EIF2AK4: variants seen among roughly 807,000 people sequenced by gnomAD.
EIF2AK4 encodes the protein eukaryotic translation initiation factor 2 alpha kinase 4, also known as eIF-2-alpha kinase GCN2.
In EIF2AK4, 139 loss-of-function variants were observed where a neutral mutation model predicts 211.1. The ratio of observed to expected loss-of-function variants is 0.66; its 90% CI spans 0.57 to 0.76. EIF2AK4 has a LOEUF of 0.76. Among genes scored for constraint, EIF2AK4 ranks in the 30% least tolerant of loss-of-function variants. The pLI, the probability that EIF2AK4 is intolerant of heterozygous loss-of-function variation, is 0.00. For missense variants in EIF2AK4, 1,664 were observed against 2,043.8 expected, an observed-to-expected ratio of 0.81 and a Z score of 3.58; for synonymous variants, 710 against 751.3, an observed-to-expected ratio of 0.94 and a Z score of 0.90.
chr15:39,961,309 C>T (rs577640914), intron 6 of EIF2AK4, among the ~76,000 whole-genome samples: 1 of 152,112 alleles, frequency 6.6e-6, no homozygotes, highest in African/African-American at 2.4e-5. Context: ...TGTGCATGTG[C>T]GTGGGAATGA....
At chr15:40,004,378 G>GAAT (rs2035132454) in intron 23 of EIF2AK4, among the ~76,000 whole-genome samples, 1 of 152,152 alleles carries the variant, frequency 6.6e-6, no homozygotes, top group African/African-American at 2.4e-5. Context: ...GAAAATGGTT[G>GAAT]AATAATTTGT....
At chr15:40,022,827 G>T (rs932717774) in intron 32 of EIF2AK4, among the ~76,000 whole-genome samples, 1 of 151,960 alleles carries the variant, frequency 6.6e-6, no homozygotes, top group Non-Finnish European at 1.5e-5. Context: ...TCCGCCTCCC[G>T]GGTTCTCGCC....
intron 38 of EIF2AK4, 91 bp downstream of exon 38, chr15:40,034,535 G>C: frequency 1.0e-6 from 1 of 961,526 alleles, no homozygotes; most frequent in Non-Finnish European, 1.6e-6. Context: ...TCTTGTTGAG[G>C]TTTGACGCCT....
chr15:39,942,851 CTATT>C (rs2034165963), intron 2 of EIF2AK4, among the ~76,000 whole-genome samples: 1 of 152,174 alleles, frequency 6.6e-6, no homozygotes, highest in South Asian at 2.1e-4. Flanking sequence ...CTCCACTCAT[CTATT>C]TATTCTTGTT....
chr15:39,973,671 G>C lies in EIF2AK4; in HGVS notation c.1740G>C (p.Gln580His). The change falls in exon 11 of 39, where the codon CAG becomes CAC. Residue 580 changes from glutamine (Q) to histidine (H), a missense_variant. Transcript: ENST00000263791. ...LPSAAFFSET[Q>H]RQFSRYFIEF... ...GTGCTGCCTTCTTTAGTGAGACACA[G>C]AGACAGTTTTCCCGATACTTCATTG... 1 of 1,614,156 alleles carries C rather than the reference G, an allele frequency of 6.2e-7. No homozygotes were observed. Among genetic ancestry groups the C allele is most frequent in the South Asian group, 1.1e-5 (1 of 91,078 alleles).
chr15:40,017,706 C>T (rs964788066), intron 29 of EIF2AK4, among the ~76,000 whole-genome samples: 2 of 150,638 alleles, frequency 1.3e-5, no homozygotes, highest in Non-Finnish European at 3.0e-5. Context: ...CCACCACACC[C>T]AGCTAATTTT....
chr15:40,018,955 C>T, intron 29 of EIF2AK4, 138 bp from the exon 30 acceptor site: 2 of 669,220 alleles, frequency 3.0e-6, no homozygotes, highest in South Asian at 1.8e-5. Context: ...CTCTATTTTA[C>T]TACACACACA....
At chr15:39,987,813 G>A (rs1235842926) in intron 14 of EIF2AK4, among the ~76,000 whole-genome samples, 170 bp from the exon 15 acceptor site, 1 of 152,074 alleles carries the variant, frequency 6.6e-6, no homozygotes, top group Non-Finnish European at 1.5e-5. Flanking sequence ...TACCCCCAAG[G>A]TATTTTTTAA....
intron 14 of EIF2AK4, among the ~76,000 whole-genome samples, chr15:39,986,873 A>G (rs1355473279): frequency 1.3e-5 from 2 of 149,750 alleles, no homozygotes; most frequent in African/African-American, 2.4e-5. Context: ...AACAACAACA[A>G]CAACAACAAA....
At chr15:39,993,737 T>G (rs1342091758) in intron 18 of EIF2AK4, among the ~76,000 whole-genome samples, 1 of 152,234 alleles carries the variant, frequency 6.6e-6, no homozygotes, top group Non-Finnish European at 1.5e-5. Context: ...AGTGTGCATT[T>G]AATTTGAAGT....
At chr15:39,962,529 G>C (rs956671377) in intron 7 of EIF2AK4, among the ~76,000 whole-genome samples, 2 of 152,112 alleles carry the variant, frequency 1.3e-5, no homozygotes, top group Non-Finnish European at 2.9e-5. Context: ...CACAATCATA[G>C]CTCACTGTAA....
chr15:40,032,333 G>C (rs943749667), intron 36 of EIF2AK4, 96 bp downstream of exon 36: 25 of 1,006,656 alleles, frequency 2.5e-5, no homozygotes, highest in Non-Finnish European at 3.3e-5. Context: ...AGTGTCAGCA[G>C]AATTTGGATG....
At chr15:40,026,846 CA>C (rs2035471785) in intron 33 of EIF2AK4, among the ~76,000 whole-genome samples, 1 of 152,074 alleles carries the variant, frequency 6.6e-6, no homozygotes. Context: ...TAAAACTAAA[CA>C]TTTTTTTTAA....
chr15:39,967,219 C>CTTTTTGTA (rs965009529), intron 8 of EIF2AK4, 125 bp from the exon 9 acceptor site: 107 of 1,096,986 alleles, frequency 9.8e-5, no homozygotes, highest in Admixed American at 1.7e-4. Flanking sequence ...AAATACTTCA[C>CTTTTTGTA]TTTTGGTTTT....
At chr15:40,021,117 T>C in intron 31 of EIF2AK4, 90 bp downstream of exon 31, 4 of 1,379,850 alleles carry the variant, frequency 2.9e-6, no homozygotes, top group Non-Finnish European at 3.9e-6. Context: ...TGTCAAACTC[T>C]GTTTATCTCT....
In EIF2AK4 at chr15:40,021,015, CG is replaced by C. The variant is rs756405136; in HGVS notation, c.4291del (p.Asp1431ThrfsTer60). 1 of 1,612,922 alleles carries C rather than the reference CG, an allele frequency of 6.2e-7. No homozygotes were observed. Among genetic ancestry groups the C allele is most frequent in the African/African-American group, 1.3e-5 (1 of 74,976 alleles). ...TAGITAEIMY[D>X]WSQSQEELQE... ...CAGGCATCACAGCAGAAATCATGTA[CG>C]ACTGGTCACAGGTAATGGGACAAAA... On this transcript the variant is annotated frameshift_variant, in exon 31 of 39. Coordinates refer to ENST00000263791, the MANE Select transcript of EIF2AK4 (RefSeq NM_001013703.4). LOFTEE classifies it high-confidence loss of function.
At position 40,026,275 on chromosome 15, in the gene EIF2AK4, C is replaced by T. The variant is rs956078242; in HGVS notation, c.4502+186C>T. Among the ~76,000 whole-genome samples the T allele has an allele frequency of 2.6e-5, 4 of 152,118 alleles. No homozygotes were observed. In the East Asian group the frequency reaches 7.7e-4, roughly 29 times the overall value. Reference sequence around the variant, plus strand: ...TGCAAGACCAGCCTGGGCAACATACCAAGACCCCATTTCTAAAAAAAAAAT... The same window carrying T: ...TGCAAGACCAGCCTGGGCAACATACTAAGACCCCATTTCTAAAAAAAAAAT... On this transcript the variant is annotated intron_variant, in intron 33 of 38. Coordinates refer to ENST00000263791, the MANE Select transcript of EIF2AK4 (RefSeq NM_001013703.4).
intron 33 of EIF2AK4, among the ~76,000 whole-genome samples, chr15:40,028,379 T>C (rs190515482): frequency 6.6e-6 from 1 of 152,340 alleles, no homozygotes; most frequent in African/African-American, 2.4e-5. Flanking sequence ...CGGTAATTTT[T>C]CTGGCTTACA....
At chr15:40,007,330 A>T (rs1301569627) in intron 24 of EIF2AK4, among the ~76,000 whole-genome samples, 2 of 152,168 alleles carry the variant, frequency 1.3e-5, no homozygotes, top group African/African-American at 4.8e-5. Context: ...CCCAAGCAAC[A>T]TTACTAATTA....
Sources: allele counts gnomAD v4.1 joint callset (sites outside exome capture counted in the v4.1 genomes callset), GRCh38; gene constraint gnomAD v4.1.1; transcripts MANE v1.5; gene names NCBI Gene and HGNC (gene_info 2026-07-23, HGNC 2026-07-21).